The following OSGIN2 variants were observed in gnomAD, a reference collection of about 807,000 sequenced individuals.
OSGIN2 encodes oxidative stress induced growth inhibitor family member 2.
OSGIN2 carries 19 observed loss-of-function variants against 53.8 expected under a neutral mutation model. The observed-to-expected ratio is 0.35, with a 90% CI of 0.25 to 0.52. OSGIN2 has a LOEUF of 0.52. Among genes scored for constraint, OSGIN2 ranks in the 20% least tolerant of loss-of-function variants. OSGIN2 has a pLI of 0.95. For synonymous variants in OSGIN2, 236 were observed against 236.0 expected (o/e 1.00, Z 0.00); for missense variants, 520 against 662.7 (o/e 0.78, Z 2.36).
intron 1 of OSGIN2, among the ~76,000 whole-genome samples, chr8:89,909,037 A>AAATAT (rs1554550040): frequency 1.2e-5 from 1 of 84,902 alleles, no homozygotes; most frequent in Non-Finnish European, 2.0e-5. Context: ...AAAAAAAAAA[A>AAATAT]ATATATATAT....
Position 89,909,584 on chromosome 8 carries a change from A to G in OSGIN2, c.62A>G (p.Glu21Gly). Residue 21 changes from glutamate to glycine, a missense_variant, in exon 2 of 6, where the codon GAA (glutamate) becomes GGA (glycine). This residue lies in a region of OSGIN2 where 203 missense variants were observed against 275.3 expected (regional missense o/e 0.74). Transcript: ENST00000451899. ...TTTTAAAGAAACTATAGTGACACTG[A>G]AACTGAAGGAGAGATTTTTAATTCC... ...AGHFRNYSDT[E>G]TEGEIFNSLV... 1 of 1,566,716 alleles carries G rather than the reference A, an allele frequency of 6.4e-7. No individual in the cohort carries two copies. Among genetic ancestry groups the G allele is most frequent in the South Asian group, 1.2e-5 (1 of 82,668 alleles).
chr8:89,909,463 T>G (rs147825918), intron 1 of OSGIN2, 104 bp from the exon 2 acceptor site: 3 of 598,260 alleles, frequency 5.0e-6, no homozygotes, highest in Non-Finnish European at 7.7e-6. Context: ...TTTTATGGAA[T>G]GATTAAAATA....
rs191788171 is a variant in OSGIN2, at chr8:89,920,581, C to T, written c.529-499C>T. Reference sequence around the variant, plus strand: ...TTAAGAAGAGATGCTGCTGTATCCACATCAGCCTAGATTTTAGAATTATAA... The same window carrying T: ...TTAAGAAGAGATGCTGCTGTATCCATATCAGCCTAGATTTTAGAATTATAA... On this transcript the variant is annotated intron_variant, in intron 4 of 5. Coordinates refer to ENST00000451899, the MANE Select transcript of OSGIN2 (RefSeq NM_001126111.3). 2.0e-5 allele frequency among the ~76,000 whole-genome samples: 3 copies of T among 152,290 alleles called. No homozygotes were observed. In the East Asian group the frequency reaches 5.8e-4, roughly 29 times the overall value.
At chr8:89,920,463 C>G (rs997874036) in intron 4 of OSGIN2, among the ~76,000 whole-genome samples, 1 of 152,102 alleles carries the variant, frequency 6.6e-6, no homozygotes, top group African/African-American at 2.4e-5. Context: ...TTGTATTGAA[C>G]AAAGCAGAAA....
At chr8:89,918,383 C>T (rs915141455) in intron 4 of OSGIN2, among the ~76,000 whole-genome samples, 3 of 152,106 alleles carry the variant, frequency 2.0e-5, no homozygotes, top group Non-Finnish European at 2.9e-5. Context: ...TCACTGCAGC[C>T]TCGGACCCCT....
At chr8:89,922,239 T>C (rs1408690960) in intron 5 of OSGIN2, among the ~76,000 whole-genome samples, 1 of 152,176 alleles carries the variant, frequency 6.6e-6, no homozygotes, top group Non-Finnish European at 1.5e-5. Flanking sequence ...ACCATGTTAA[T>C]TCATAGAAAT....
At chr8:89,903,268 TAG>T (rs1320602552) in intron 1 of OSGIN2, among the ~76,000 whole-genome samples, 6 of 152,212 alleles carry the variant, frequency 3.9e-5, no homozygotes, top group African/African-American at 1.4e-4. Context: ...TAATCACAAA[TAG>T]ATTCTGCCTT....
intron 5 of OSGIN2, chr8:89,921,410 G>T: frequency 7.8e-6 from 3 of 384,126 alleles, no homozygotes; most frequent in Admixed American, 4.2e-5. Flanking sequence ...TGTTAATCAT[G>T]GGTTTATCTA....
chr8:89,912,021 G>C (rs1007248232), intron 2 of OSGIN2, among the ~76,000 whole-genome samples: 3 of 151,812 alleles, frequency 2.0e-5, no homozygotes, highest in African/African-American at 7.3e-5. Flanking sequence ...AGAATTATAA[G>C]TTGAAATCTT....
intron 1 of OSGIN2, among the ~76,000 whole-genome samples, chr8:89,904,144 A>G (rs553940668): frequency 7.2e-5 from 11 of 152,210 alleles, no homozygotes; most frequent in South Asian, 4.1e-4. Context: ...ACTTTTAGGC[A>G]AATTTGTTGA....
At chr8:89,920,305 A>G (rs370956126) in intron 4 of OSGIN2, among the ~76,000 whole-genome samples, 1 of 152,180 alleles carries the variant, frequency 6.6e-6, no homozygotes, top group Admixed American at 6.5e-5. Context: ...TATAATAATA[A>G]TAATAATATG....
intron 4 of OSGIN2, among the ~76,000 whole-genome samples, chr8:89,917,360 G>C (rs978036506): frequency 6.6e-6 from 1 of 152,190 alleles, no homozygotes; most frequent in Admixed American, 6.5e-5. Context: ...TTTGAACACA[G>C]AGCGTGCTCC....
chr8:89,909,481 T>A (rs1422072658), intron 1 of OSGIN2, 86 bp from the exon 2 acceptor site: 2 of 660,108 alleles, frequency 3.0e-6, no homozygotes, highest in Non-Finnish European at 4.6e-6. Flanking sequence ...ATATTTTATG[T>A]CTAAATAAAC....
chr8:89,902,009 T>G (rs1393341152), upstream of OSGIN2: 1 of 152,226 alleles, frequency 6.6e-6, no homozygotes, highest in Non-Finnish European at 1.5e-5. Context: ...GGTGGGCGGG[T>G]CCCGGGCACC....
chr8:89,902,944 C>T (rs1418845741), intron 1 of OSGIN2, 107 bp downstream of exon 1: 8 of 669,680 alleles, frequency 1.2e-5, no homozygotes, highest in South Asian at 4.8e-5. Context: ...GCGCCTGGAC[C>T]GCAGCGTCCT....
chr8:89,924,905 G>A lies in OSGIN2; in HGVS notation c.1023G>A (p.Leu341=). ...EFGAAINKGK[L]RGKVDPVLIV... is the part of the protein sequence containing the mutation. ...GAGCTGCTATAAACAAAGGAAAGTT[G>A]CGTGGCAAAGTGGATCCAGTGTTAA... is the stretch of plus-strand genomic sequence containing the variant. Residue 341 remains leucine, a synonymous_variant, in exon 6 of 6, where the codon TTG becomes TTA. Coordinates refer to ENST00000451899, the MANE Select transcript of OSGIN2 (RefSeq NM_001126111.3). The A allele has an allele frequency of 6.2e-7, 1 of 1,614,160 alleles. No individual in the cohort carries two copies. Among genetic ancestry groups the A allele is most frequent in the Non-Finnish European group, 8.5e-7 (1 of 1,180,016 alleles).
At chr8:89,916,164 A>T (rs1028896280) in intron 4 of OSGIN2, among the ~76,000 whole-genome samples, 1 of 152,166 alleles carries the variant, frequency 6.6e-6, no homozygotes, top group East Asian at 1.9e-4. Context: ...GCCTTCTCTG[A>T]ATTCCTGAGG....
chr8:89,903,022 G>T (rs1808758937), intron 1 of OSGIN2, among the ~76,000 whole-genome samples, 185 bp downstream of exon 1: 1 of 152,178 alleles, frequency 6.6e-6, no homozygotes, highest in Non-Finnish European at 1.5e-5. Flanking sequence ...CCTTGCTCCG[G>T]GGAGCCCTGC....
intron 2 of OSGIN2, among the ~76,000 whole-genome samples, chr8:89,909,926 T>G (rs894341523): frequency 6.6e-6 from 1 of 152,222 alleles, no homozygotes; most frequent in African/African-American, 2.4e-5. Flanking sequence ...ATCTTTTTAG[T>G]GAAGAACTGA....
Sources: gnomAD v4.1 joint callset for allele counts (sites outside exome capture counted in the v4.1 genomes callset) on GRCh38, gnomAD v4.1.1 for gene constraint, gnomAD v4.1.1 regional missense constraint, MANE v1.5 for transcripts, NCBI Gene and HGNC (gene_info 2026-07-23, HGNC 2026-07-21) for gene names.